GALNT13: variants seen among roughly 807,000 people sequenced by gnomAD.
GALNT13 encodes polypeptide N-acetylgalactosaminyltransferase 13, also known as UDP-GalNAc:polypeptide N-acetylgalactosaminyltransferase 13.
GALNT13 carries 28 observed loss-of-function variants against 64.2 expected under a neutral mutation model. That is an observed-to-expected ratio of 0.44 (90% CI 0.32 to 0.60). The LOEUF (loss-of-function observed/expected upper bound fraction) is 0.60, where lower values mean the gene tolerates loss of function less well. GALNT13 is among the 20% of genes least tolerant of loss of function. The pLI, the probability that GALNT13 is intolerant of heterozygous loss-of-function variation, is 0.05. For synonymous variants in GALNT13, 214 were observed against 224.6 expected, an observed-to-expected ratio of 0.95 and a Z score of 0.42; for missense variants, 577 against 669.8, an observed-to-expected ratio of 0.86 and a Z score of 1.53.
chr2:153,119,019 A>C, the GALNT13 span, among the ~76,000 whole-genome samples: 1 of 151,886 alleles, frequency 6.6e-6, no homozygotes, highest in Non-Finnish European at 1.5e-5. Context: ...GAAGTCTTAT[A>C]GTTTTATAAG....
chr2:153,715,032 CTG>C, the GALNT13 span, among the ~76,000 whole-genome samples: 1 of 151,946 alleles, frequency 6.6e-6, no homozygotes, highest in Non-Finnish European at 1.5e-5. Context: ...CTCACTCTCT[CTG>C]TGTCTGTCAT....
At chr2:154,018,542 G>T (rs774384553) in intron 3 of GALNT13, among the ~76,000 whole-genome samples, 1 of 152,036 alleles carries the variant, frequency 6.6e-6, no homozygotes, top group Non-Finnish European at 1.5e-5. Context: ...CCAAACCAGC[G>T]AGAAGATAAG....
At chr2:154,009,467 C>T (rs552209988) in intron 3 of GALNT13, among the ~76,000 whole-genome samples, 1 of 150,090 alleles carries the variant, frequency 6.7e-6, no homozygotes, top group African/African-American at 2.4e-5. Context: ...CTAGGAATAG[C>T]ATTGAATCTA....
At chr2:153,450,552 T>G in the GALNT13 span, among the ~76,000 whole-genome samples, 98 of 150,306 alleles carry the variant, frequency 6.5e-4, no homozygotes, top group African/African-American at 2.4e-3. Flanking sequence ...CCACAGATAA[T>G]TGAGTCCTAT....
chr2:153,204,253 A>G, the GALNT13 span, among the ~76,000 whole-genome samples: 4 of 152,228 alleles, frequency 2.6e-5, no homozygotes, highest in African/African-American at 9.6e-5. Flanking sequence ...CCTGGACTAT[A>G]TTGCTTGATG....
At chr2:153,829,083 T>G in the GALNT13 span, among the ~76,000 whole-genome samples, 1 of 152,256 alleles carries the variant, frequency 6.6e-6, no homozygotes, top group Non-Finnish European at 1.5e-5. Flanking sequence ...ATTATGAACA[T>G]TTTGGTCAAA....
intron 3 of GALNT13, among the ~76,000 whole-genome samples, chr2:154,009,458 T>A (rs1696478201): frequency 6.6e-6 from 1 of 151,948 alleles, no homozygotes; most frequent in African/African-American, 2.4e-5. Flanking sequence ...GGTAGTTTGC[T>A]AGGAATAGCA....
At chr2:153,520,476 T>G in the GALNT13 span, among the ~76,000 whole-genome samples, 1 of 152,200 alleles carries the variant, frequency 6.6e-6, no homozygotes. Flanking sequence ...TCTAAAGATT[T>G]ATTCAAAAAT....
chr2:153,277,913 G>GTTTTTT, the GALNT13 span, among the ~76,000 whole-genome samples: 1 of 53,484 alleles, frequency 1.9e-5, no homozygotes, highest in African/African-American at 7.0e-5. Context: ...TTTTTCTTTT[G>GTTTTTT]TTTTCTTTTC....
chr2:153,776,706 C>T, the GALNT13 span, among the ~76,000 whole-genome samples: 1 of 152,262 alleles, frequency 6.6e-6, no homozygotes, highest in Non-Finnish European at 1.5e-5. Context: ...AGACTGTCAC[C>T]TTCTATAACA....
the GALNT13 span, among the ~76,000 whole-genome samples, chr2:153,402,951 C>T: frequency 6.6e-6 from 1 of 152,182 alleles, no homozygotes; most frequent in Non-Finnish European, 1.5e-5. Context: ...CTCCATCCAG[C>T]TTTGTTCCGT....
intron 2 of GALNT13, among the ~76,000 whole-genome samples, chr2:153,907,330 CAT>C (rs1167027628): frequency 6.6e-6 from 1 of 151,556 alleles, no homozygotes; most frequent in African/African-American, 2.4e-5. Context: ...TACACACACA[CAT>C]ATAATTATAT....
chr2:153,158,605 G>A, the GALNT13 span, among the ~76,000 whole-genome samples: 1 of 152,082 alleles, frequency 6.6e-6, no homozygotes, highest in African/African-American at 2.4e-5. Context: ...TGAGATGATG[G>A]GAGTTGAATC....
At chr2:154,017,821 C>T (rs979724741) in intron 3 of GALNT13, among the ~76,000 whole-genome samples, 2 of 151,976 alleles carry the variant, frequency 1.3e-5, no homozygotes, top group African/African-American at 2.4e-5. Flanking sequence ...TTTTGTTATT[C>T]GTAGGGAGAA....
At chr2:153,268,260 A>G in the GALNT13 span, among the ~76,000 whole-genome samples, 1 of 152,172 alleles carries the variant, frequency 6.6e-6, no homozygotes, top group South Asian at 2.1e-4. Flanking sequence ...CCTCTTCCAA[A>G]TGGGAGATAT....
chr2:153,997,111 C>T (rs927952919), intron 3 of GALNT13, among the ~76,000 whole-genome samples: 1 of 152,018 alleles, frequency 6.6e-6, no homozygotes, highest in African/African-American at 2.4e-5. Context: ...AATTGGATAC[C>T]TCCATCCTTG....
At chr2:154,056,712 A>G (rs930355565) in intron 3 of GALNT13, among the ~76,000 whole-genome samples, 1 of 152,166 alleles carries the variant, frequency 6.6e-6, no homozygotes, top group African/African-American at 2.4e-5. Context: ...TTCCCTGAGT[A>G]TGTTAGTAAC....
At chr2:153,163,705 G>T in the GALNT13 span, among the ~76,000 whole-genome samples, 3 of 152,178 alleles carry the variant, frequency 2.0e-5, no homozygotes, top group East Asian at 5.8e-4. Context: ...CAGTCACTTT[G>T]CCTCTTAAGG....
chr2:153,837,202 A>G, the GALNT13 span, among the ~76,000 whole-genome samples: 1 of 152,108 alleles, frequency 6.6e-6, no homozygotes, highest in Non-Finnish European at 1.5e-5. Flanking sequence ...TTGCCATTCT[A>G]ACTGGTGTGA....
Sources: allele counts gnomAD v4.1 joint callset (sites outside exome capture counted in the v4.1 genomes callset), GRCh38; gene constraint gnomAD v4.1.1; transcripts MANE v1.5; gene names NCBI Gene and HGNC (gene_info 2026-07-23, HGNC 2026-07-21).